The following AGPAT3 variants were observed in gnomAD, a reference collection of about 807,000 sequenced individuals.
AGPAT3 encodes 1-acylglycerol-3-phosphate O-acyltransferase 3.
AGPAT3 carries 5 observed loss-of-function variants against 47.3 expected under a neutral mutation model. The observed-to-expected ratio is 0.11, with a 90% CI of 0.06 to 0.22. The LOEUF is 0.22. Ranked by LOEUF, AGPAT3 falls within the 10% of genes least tolerant of loss-of-function variation. The pLI is 1.00. For synonymous variants in AGPAT3, 212 were observed against 208.3 expected, an observed-to-expected ratio of 1.02 and a Z score of -0.15; for missense variants, 315 against 493.0, an observed-to-expected ratio of 0.64 and a Z score of 3.42.
intron 2 of AGPAT3, among the ~76,000 whole-genome samples, chr21:43,912,279 G>A (rs775702287): frequency 6.6e-6 from 1 of 152,334 alleles, no homozygotes; most frequent in Non-Finnish European, 1.5e-5. Context: ...GCGAGCAAAG[G>A]GTGGGGCACA....
intron 2 of AGPAT3, among the ~76,000 whole-genome samples, chr21:43,951,772 G>T (rs938630316): frequency 3.1e-4 from 47 of 152,328 alleles, no homozygotes; most frequent in African/African-American, 1.1e-3. Context: ...CGTCCTATGT[G>T]TGCAGAGAAA....
At chr21:43,975,565 C>T (rs1418301321) in intron 7 of AGPAT3, among the ~76,000 whole-genome samples, 1 of 152,192 alleles carries the variant, frequency 6.6e-6, no homozygotes, top group East Asian at 1.9e-4. Context: ...GACCCTAGAG[C>T]GTGGAGACCT....
chr21:43,936,367 A>C (rs1420323611), intron 2 of AGPAT3, among the ~76,000 whole-genome samples: 1 of 152,218 alleles, frequency 6.6e-6, no homozygotes, highest in Non-Finnish European at 1.5e-5. Context: ...CTGTGGGTGC[A>C]CCTGCAGCGT....
intron 1 of AGPAT3, among the ~76,000 whole-genome samples, chr21:43,896,913 G>T (rs1466060723): frequency 7.2e-6 from 1 of 138,014 alleles, no homozygotes. Context: ...ATGATTGGAG[G>T]ATCTTTTTTA....
intron 2 of AGPAT3, among the ~76,000 whole-genome samples, chr21:43,946,296 A>C (rs1357544155): frequency 6.6e-6 from 1 of 152,202 alleles, no homozygotes; most frequent in African/African-American, 2.4e-5. Context: ...GTAAATTGCA[A>C]AATATAATGA....
At chr21:43,963,438 G>C (rs141541205) in intron 3 of AGPAT3, among the ~76,000 whole-genome samples, 397 of 152,248 alleles carry the variant, frequency 2.6e-3, no homozygotes, top group Non-Finnish European at 4.4e-3. Flanking sequence ...AGCCGGGCGC[G>C]GTGGCTCACG....
chr21:43,886,494 C>T (rs2085982105), intron 1 of AGPAT3, among the ~76,000 whole-genome samples: 1 of 152,118 alleles, frequency 6.6e-6, no homozygotes, highest in Admixed American at 6.5e-5. Context: ...TCAAGTGATC[C>T]ACCCGACTCA....
intron 7 of AGPAT3, 126 bp downstream of exon 7, chr21:43,971,616 C>A: frequency 1.2e-6 from 1 of 822,270 alleles, no homozygotes; most frequent in Non-Finnish European, 2.0e-6. Flanking sequence ...GGAACTCACA[C>A]GGAAGGCCTG....
chr21:43,887,583 C>T (rs1179395047), intron 1 of AGPAT3, among the ~76,000 whole-genome samples: 4 of 152,236 alleles, frequency 2.6e-5, no homozygotes, highest in African/African-American at 9.6e-5. Context: ...AGCGTGCGCA[C>T]ACGCACACAC....
At chr21:43,947,319 C>T (rs539300011) in intron 2 of AGPAT3, among the ~76,000 whole-genome samples, 215 of 152,338 alleles carry the variant, frequency 1.4e-3, no homozygotes, top group Admixed American at 1.9e-3. Context: ...TCAGAAGTGG[C>T]CTGGGGGCCC....
At chr21:43,872,086 A>G (rs1485332249) in intron 1 of AGPAT3, among the ~76,000 whole-genome samples, 2 of 152,046 alleles carry the variant, frequency 1.3e-5, no homozygotes, top group Admixed American at 6.6e-5. Context: ...GTCTTTTGAT[A>G]AAGCACCGTG....
chr21:43,891,756 T>C (rs2145933505), intron 1 of AGPAT3, among the ~76,000 whole-genome samples: 1 of 152,330 alleles, frequency 6.6e-6, no homozygotes, highest in Non-Finnish European at 1.5e-5. Flanking sequence ...CCACCACTTC[T>C]GCAGTGACTT....
intron 2 of AGPAT3, among the ~76,000 whole-genome samples, chr21:43,929,284 GGCC>G (rs1989305880): frequency 6.6e-6 from 1 of 152,226 alleles, no homozygotes; most frequent in Non-Finnish European, 1.5e-5. Flanking sequence ...CCTGGCTCTG[GGCC>G]GCATGCGGGC....
intron 2 of AGPAT3, among the ~76,000 whole-genome samples, chr21:43,938,138 A>T (rs977827097): frequency 6.9e-6 from 1 of 145,782 alleles, no homozygotes; most frequent in Admixed American, 6.9e-5. Flanking sequence ...ACACACACAC[A>T]CACTCACACT....
At chr21:43,947,488 G>A (rs530848458) in intron 2 of AGPAT3, among the ~76,000 whole-genome samples, 22 of 152,310 alleles carry the variant, frequency 1.4e-4, no homozygotes, top group African/African-American at 2.6e-4. Context: ...TGGAAACGTC[G>A]CAGTCTCCTC....
At chr21:43,956,467 G>T (rs552073224) in intron 2 of AGPAT3, among the ~76,000 whole-genome samples, 1 of 152,234 alleles carries the variant, frequency 6.6e-6, no homozygotes, top group Non-Finnish European at 1.5e-5. Context: ...TCTGGAATGC[G>T]TGAGAGGTGT....
rs559411881 is a variant in AGPAT3 at position 43,886,020 on chromosome 21, C to T, written c.-111-17937C>T. ...AGGGGTTTTTGCAAAGCCGGGGCAG[C>T]GACATGGCAATCGTGATGCCATAGG... On this transcript the variant is annotated intron_variant, in intron 1 of 9. Coordinates refer to ENST00000291572, the MANE Select transcript of AGPAT3 (RefSeq NM_020132.5). Among the ~76,000 whole-genome samples, 22 of 152,314 alleles carry T rather than the reference C, an allele frequency of 1.4e-4. No individual in the cohort carries two copies. In the South Asian group the frequency reaches 1.9e-3, roughly 13 times the overall value.
At position 43,981,673 on chromosome 21, in the gene AGPAT3, C is replaced by T. The variant is rs2089855817; in HGVS notation, c.1042+486C>T. 6.6e-6 allele frequency among the ~76,000 whole-genome samples: 1 copy of T among 152,284 alleles called. No individual in the cohort carries two copies. On this transcript the variant is annotated intron_variant, in intron 9 of 9. Coordinates refer to ENST00000291572, the MANE Select transcript of AGPAT3 (RefSeq NM_020132.5). The surrounding 1 kb of genome is among the most constrained non-coding windows in gnomAD (Gnocchi z 5.3). ...GCCTGGGGCCGAACAGACACCCAGC[C>T]TGTCCCTGTGGTGAGCTCCGGCGCC...
At chr21:43,980,137 G>A (rs1002808676) in intron 8 of AGPAT3, among the ~76,000 whole-genome samples, 2 of 151,750 alleles carry the variant, frequency 1.3e-5, no homozygotes, top group Admixed American at 6.6e-5. Context: ...AAAAATTAGC[G>A]CAGTAGTGGG....
Sources: gnomAD v4.1 joint callset for allele counts (sites outside exome capture counted in the v4.1 genomes callset) on GRCh38, gnomAD v4.1.1 for gene constraint, Gnocchi (gnomAD v3.1) non-coding constraint, MANE v1.5 for transcripts, NCBI Gene and HGNC (gene_info 2026-07-23, HGNC 2026-07-21) for gene names.